CLEC16A: variants seen among roughly 807,000 people sequenced by gnomAD.
CLEC16A encodes C-type lectin domain containing 16A, also known as protein CLEC16A.
Under a neutral mutation model 109.5 loss-of-function variants are expected in CLEC16A, and 51 were observed. The observed-to-expected ratio is 0.47, with a 90% CI of 0.37 to 0.59. The LOEUF is 0.59. Among genes scored for constraint, CLEC16A ranks in the 20% least tolerant of loss-of-function variants. The pLI is 0.00. For synonymous variants in CLEC16A, 673 were observed against 564.2 expected (o/e 1.19, Z -2.73); for missense variants, 1,339 against 1,394.0 (o/e 0.96, Z 0.63).
At chr16:11,052,074 C>T (rs1194822289) in intron 18 of CLEC16A, among the ~76,000 whole-genome samples, 4 of 152,136 alleles carry the variant, frequency 2.6e-5, no homozygotes, top group African/African-American at 9.7e-5. Flanking sequence ...GGGACACAGT[C>T]AAATTAAATG....
chr16:11,141,030 G>A (rs1055502048), intron 22 of CLEC16A, among the ~76,000 whole-genome samples: 2 of 152,244 alleles, frequency 1.3e-5, no homozygotes, highest in African/African-American at 4.8e-5. Flanking sequence ...TGAGGAGGGA[G>A]CCAGGGCTCA....
intron 22 of CLEC16A, among the ~76,000 whole-genome samples, chr16:11,130,973 C>T (rs2153046415): frequency 6.6e-6 from 1 of 152,194 alleles, no homozygotes; most frequent in Non-Finnish European, 1.5e-5. Context: ...GTGTATAAAT[C>T]AGGGCTAATA....
At chr16:11,177,602 G>GAA (rs796832104) in intron 23 of CLEC16A, among the ~76,000 whole-genome samples, 2 of 91,028 alleles carry the variant, frequency 2.2e-5, no homozygotes, top group Non-Finnish European at 2.4e-5. Context: ...TCCGCCAAAA[G>GAA]AAAAAAAAAA....
intron 22 of CLEC16A, among the ~76,000 whole-genome samples, chr16:11,133,571 C>T (rs886398014): frequency 6.6e-6 from 1 of 152,032 alleles, no homozygotes. Flanking sequence ...CTGAGCTGAC[C>T]GCAAAGCCTC....
chr16:11,159,036 G>T (rs1252619127), intron 22 of CLEC16A, among the ~76,000 whole-genome samples: 5 of 152,154 alleles, frequency 3.3e-5, no homozygotes, highest in Non-Finnish European at 7.4e-5. Context: ...TTCAAAAGGA[G>T]TATGAATGAA....
chr16:11,094,842 G>C (rs1018980838), intron 19 of CLEC16A, among the ~76,000 whole-genome samples: 1 of 152,184 alleles, frequency 6.6e-6, no homozygotes, highest in African/African-American at 2.4e-5. Context: ...TCAAGTTATC[G>C]TTATTATGAG....
intron 1 of CLEC16A, 83 bp downstream of exon 1, chr16:10,944,880 C>A: frequency 7.4e-7 from 1 of 1,351,590 alleles, no homozygotes; most frequent in Non-Finnish European, 1.0e-6. Context: ...CTCTAGGAGG[C>A]GTGAGAGCGG....
intron 19 of CLEC16A, among the ~76,000 whole-genome samples, chr16:11,070,163 C>T (rs982918086): frequency 3.3e-5 from 5 of 152,006 alleles, no homozygotes; most frequent in South Asian, 2.1e-4. Context: ...CTCCGCCTCC[C>T]GGGTTCACAC....
intron 23 of CLEC16A, among the ~76,000 whole-genome samples, chr16:11,172,075 TGCC>T (rs1164877196): frequency 1.1e-4 from 16 of 151,214 alleles, no homozygotes; most frequent in Non-Finnish European, 5.9e-5. Context: ...GTCACACACA[TGCC>T]ACTGCACATG....
At chr16:11,170,303 G>T (rs577162626) in intron 23 of CLEC16A, among the ~76,000 whole-genome samples, 67 of 152,284 alleles carry the variant, frequency 4.4e-4, no homozygotes, top group African/African-American at 1.5e-3. Context: ...GTGAACCCCT[G>T]GGGGAGGAAG....
Position 11,173,247 on chromosome 16 carries a change from A to G in CLEC16A, c.2807-5088A>G, listed in dbSNP as rs535536365. ...CATCATCCTTTTTTATTGTGGTAACATACGGGTAACATAAACTACCATTTT... is the reference window on the plus strand; with the variant it reads ...CATCATCCTTTTTTATTGTGGTAACGTACGGGTAACATAAACTACCATTTT... On this transcript the variant is annotated intron_variant, in intron 23 of 23. Transcript: ENST00000409790. Among the ~76,000 whole-genome samples the G allele has an allele frequency of 5.3e-5, 8 of 152,306 alleles. 1 individual carries two copies. In the East Asian group the frequency reaches 5.8e-4, roughly 11 times the overall value.
chr16:11,109,515 A>G (rs990761215), intron 19 of CLEC16A, among the ~76,000 whole-genome samples: 4 of 151,964 alleles, frequency 2.6e-5, no homozygotes, highest in African/African-American at 7.3e-5. Context: ...TGCATCCCCA[A>G]CTCCGGTGAA....
At chr16:10,950,314 A>G (rs1456950879) in intron 1 of CLEC16A, among the ~76,000 whole-genome samples, 2 of 152,212 alleles carry the variant, frequency 1.3e-5, no homozygotes, top group Admixed American at 1.3e-4. Context: ...GACGTGGCAG[A>G]TAGTAAGCAA....
chr16:11,022,337 C>CTTTTTTTTTTTTT (rs36094157), intron 12 of CLEC16A, among the ~76,000 whole-genome samples: 1 of 93,470 alleles, frequency 1.1e-5, no homozygotes, highest in Non-Finnish European at 2.0e-5. Flanking sequence ...GTCTGGCTAC[C>CTTTTTTTTTTTTT]TTTTTTTTTT....
intron 22 of CLEC16A, among the ~76,000 whole-genome samples, chr16:11,135,396 A>G (rs2053498593): frequency 6.6e-6 from 1 of 152,200 alleles, no homozygotes; most frequent in South Asian, 2.1e-4. Context: ...ATGCCCCCCA[A>G]AGACACTTTC....
intron 3 of CLEC16A, among the ~76,000 whole-genome samples, chr16:10,963,236 G>A (rs1342671726): frequency 1.3e-5 from 2 of 152,134 alleles, no homozygotes; most frequent in African/African-American, 2.4e-5. Flanking sequence ...CTATGGGGAC[G>A]CCAGTCCTAT....
rs907664521 is a variant in CLEC16A, at chr16:10,957,739, TC to T, written c.81-42del. The T allele has an allele frequency of 2.5e-6, 4 of 1,609,874 alleles. No homozygotes were observed. The African/African-American group carries it at 5.3e-5, about 22-fold the overall frequency. On this transcript the variant is annotated intron_variant, in intron 1 of 23. Transcript: ENST00000409790. ...ATGGTCATGGAACTTGGCTTGCATTTCAGTTGGTAACCTTTAATTTCCTTTT... is the reference window on the plus strand; with the variant it reads ...ATGGTCATGGAACTTGGCTTGCATTTAGTTGGTAACCTTTAATTTCCTTTT...
intron 11 of CLEC16A, among the ~76,000 whole-genome samples, chr16:11,007,272 G>C (rs2045083673): frequency 6.6e-6 from 1 of 152,014 alleles, no homozygotes; most frequent in African/African-American, 2.4e-5. Flanking sequence ...AGGTTAGCTG[G>C]GTTTGAGAGG....
At chr16:11,027,386 A>G (rs766033045) in intron 13 of CLEC16A, 39 of 1,396,666 alleles carry the variant, frequency 2.8e-5, no homozygotes, top group Non-Finnish European at 3.4e-5. Flanking sequence ...GTGTCTTTGT[A>G]AAAGTCACCC....
Sources: gnomAD v4.1 joint callset for allele counts (sites outside exome capture counted in the v4.1 genomes callset) on GRCh38, gnomAD v4.1.1 for gene constraint, MANE v1.5 for transcripts, NCBI Gene and HGNC (gene_info 2026-07-23, HGNC 2026-07-21) for gene names.